Variants in TTC17 observed in about 807,000 individuals in gnomAD.
The protein encoded by TTC17 is tetratricopeptide repeat domain 17, also known as tetratricopeptide repeat protein 17.
A neutral mutation model predicts 143.8 loss-of-function variants in TTC17; 58 were observed. The observed-to-expected ratio is 0.40, with a 90% confidence interval of 0.33 to 0.50. The LOEUF is 0.50. Among genes scored for constraint, TTC17 ranks in the 20% least tolerant of loss-of-function variants. TTC17 has a pLI of 0.49. For synonymous variants in TTC17, 501 were observed against 497.8 expected, an observed-to-expected ratio of 1.01 and a Z score of -0.09; for missense variants, 1,273 against 1,392.5, an observed-to-expected ratio of 0.91 and a Z score of 1.37.
At chr11:43,431,733 A>G (rs957999652) in intron 16 of TTC17, among the ~76,000 whole-genome samples, 1 of 152,258 alleles carries the variant, frequency 6.6e-6, no homozygotes, top group South Asian at 2.1e-4. Flanking sequence ...CAGCCAGTGC[A>G]GTGGCACACG....
intron 1 of TTC17, among the ~76,000 whole-genome samples, chr11:43,361,290 A>G (rs538554170): frequency 1.3e-5 from 2 of 152,378 alleles, no homozygotes; most frequent in South Asian, 2.1e-4. Context: ...TATGAAATCC[A>G]TATATATTGC....
At chr11:43,376,513 T>A (rs1245539323) in intron 1 of TTC17, among the ~76,000 whole-genome samples, 1 of 152,234 alleles carries the variant, frequency 6.6e-6, no homozygotes. Flanking sequence ...TTATCCTTTG[T>A]GAAAAAGCCA....
At chr11:43,423,751 T>C (rs989701058) in intron 16 of TTC17, among the ~76,000 whole-genome samples, 6 of 152,136 alleles carry the variant, frequency 3.9e-5, no homozygotes, top group African/African-American at 1.4e-4. Context: ...AGAAAAACAT[T>C]ATGTTAAGTA....
chr11:43,405,610 C>T lies in TTC17; in HGVS notation c.1576C>T (p.Pro526Ser), dbSNP rs1370112521. ...GGAATTGCCAACGTATTTTCTGCCT[C>T]CGGAAAACAAAGGACTCAGGCAAGT... ...GGELPTYFLP[P>S]ENKGLRIHEL... The change falls in exon 12 of 24, where the codon CCG becomes TCG. Residue 526 changes from proline to serine, a missense_variant. By Grantham distance (74) the Pro-to-Ser change is moderately conservative (BLOSUM62 -1). Around this residue, in one of 3 missense-constraint regions of TTC17, gnomAD observed 878 missense variants for 899.8 expected, o/e 0.98. Coordinates refer to ENST00000039989, the MANE Select transcript of TTC17 (RefSeq NM_018259.6). 6.2e-7 allele frequency: 1 copy of T among 1,613,878 alleles called. No homozygotes were observed. The highest frequency in any genetic ancestry group is 2.2e-5 in the East Asian group (1 of 44,868).
chr11:43,450,998 G>A (rs750773774), intron 20 of TTC17, among the ~76,000 whole-genome samples, 184 bp from the exon 21 acceptor site: 16 of 152,162 alleles, frequency 1.1e-4, no homozygotes, highest in Admixed American at 2.0e-4. Flanking sequence ...ATGTGGGAGA[G>A]CTGAGGGGAT....
At chr11:43,455,244 G>A (rs949183718) in intron 21 of TTC17, among the ~76,000 whole-genome samples, 1 of 151,660 alleles carries the variant, frequency 6.6e-6, no homozygotes, top group Non-Finnish European at 1.5e-5. Context: ...GACTAAAACA[G>A]TTTTCAGAGA....
chr11:43,419,835 TG>T (rs532346485), intron 16 of TTC17, among the ~76,000 whole-genome samples: 27 of 152,278 alleles, frequency 1.8e-4, no homozygotes, highest in Middle Eastern at 3.4e-3. Flanking sequence ...AGACTACAGG[TG>T]TGTACCACTG....
At chr11:43,410,955 A>T (rs1858383533) in intron 15 of TTC17, among the ~76,000 whole-genome samples, 1 of 152,030 alleles carries the variant, frequency 6.6e-6, no homozygotes, top group Admixed American at 6.6e-5. Flanking sequence ...TCCCATCCAA[A>T]CCATAATTAT....
chr11:43,360,203 A>C (rs144680048), intron 1 of TTC17, among the ~76,000 whole-genome samples: 1 of 152,196 alleles, frequency 6.6e-6, no homozygotes, highest in Non-Finnish European at 1.5e-5. Flanking sequence ...GTAATTGCAA[A>C]TTCTATCTCA....
intron 2 of TTC17, among the ~76,000 whole-genome samples, chr11:43,385,180 A>T (rs532850246): frequency 3.3e-5 from 5 of 152,326 alleles, no homozygotes; most frequent in African/African-American, 1.2e-4. Context: ...ACACCTTTGG[A>T]TCTATATATA....
At chr11:43,400,790 A>G (rs983449855) in intron 9 of TTC17, among the ~76,000 whole-genome samples, 2 of 152,224 alleles carry the variant, frequency 1.3e-5, no homozygotes, top group Non-Finnish European at 2.9e-5. Flanking sequence ...TTGGGTTGGC[A>G]TGAGAACAAT....
intron 16 of TTC17, chr11:43,436,281 C>T: frequency 1.5e-6 from 2 of 1,365,578 alleles, no homozygotes; most frequent in Middle Eastern, 1.9e-4. Flanking sequence ...GAGGAGGACC[C>T]TGTATTCTCT....
chr11:43,366,542 T>A (rs1353348909), intron 1 of TTC17, among the ~76,000 whole-genome samples: 1 of 151,460 alleles, frequency 6.6e-6, no homozygotes, highest in African/African-American at 2.4e-5. Context: ...AAATAATGCA[T>A]GGCATTGTAA....
intron 16 of TTC17, among the ~76,000 whole-genome samples, chr11:43,432,461 A>G (rs1010886847): frequency 6.6e-6 from 1 of 152,220 alleles, no homozygotes; most frequent in Non-Finnish European, 1.5e-5. Context: ...TTTGAATTAG[A>G]TGCTAAATGC....
intron 17 of TTC17, 129 bp from the exon 18 acceptor site, chr11:43,443,927 T>C: frequency 9.0e-7 from 1 of 1,116,738 alleles, no homozygotes; most frequent in South Asian, 1.8e-5. Flanking sequence ...TTTAGGTCTT[T>C]AAGAATTAAA....
intron 2 of TTC17, chr11:43,385,559 T>C (rs1447065149): frequency 2.6e-5 from 4 of 152,008 alleles, no homozygotes; most frequent in African/African-American, 9.7e-5. Flanking sequence ...TAGATATATT[T>C]AGATATGAAT....
At chr11:43,482,610 A>G (rs937968353) in intron 21 of TTC17, among the ~76,000 whole-genome samples, 4 of 152,124 alleles carry the variant, frequency 2.6e-5, no homozygotes, top group East Asian at 1.9e-4. Context: ...AATGTGGCCT[A>G]TCTTGGTTAA....
At position 43,358,983 on chromosome 11, in the gene TTC17, G is replaced by A; in HGVS notation, c.29G>A (p.Arg10Gln). ...GCGGCGGCAGTAGGGGTTCGTGGCC[G>A]GTACGAGCTGCCGCCTTGCTCCGGC... MAAAVGVRG[R>Q]YELPPCSGPG... is the part of the protein sequence containing the mutation. The change falls in exon 1 of 24, where the codon CGG becomes CAG. Residue 10 changes from arginine (R) to glutamine (Q), a missense_variant. By Grantham distance (43) the Arg-to-Gln change is conservative. Transcript: ENST00000039989. 1 of 1,579,472 alleles carries A rather than the reference G, an allele frequency of 6.3e-7. No homozygotes were observed. The highest frequency in any genetic ancestry group is 2.4e-5 in the East Asian group (1 of 40,862).
At chr11:43,451,041 T>C (rs570738983) in intron 20 of TTC17, 141 bp from the exon 21 acceptor site, 224 of 671,922 alleles carry the variant, frequency 3.3e-4, no homozygotes, top group Non-Finnish European at 5.0e-4. Context: ...CTTCCATAGA[T>C]TACCTTACCA....
Sources: gnomAD v4.1 joint callset for allele counts (sites outside exome capture counted in the v4.1 genomes callset) on GRCh38, gnomAD v4.1.1 for gene constraint, gnomAD v4.1.1 regional missense constraint, MANE v1.5 for transcripts, NCBI Gene and HGNC (gene_info 2026-07-23, HGNC 2026-07-21) for gene names.